ZDHHC11: variants seen among roughly 807,000 people sequenced by gnomAD.
The protein encoded by ZDHHC11 is zDHHC palmitoyltransferase 11, also known as palmitoyltransferase ZDHHC11.
Under a neutral mutation model 51.3 loss-of-function variants are expected in ZDHHC11, and 44 were observed. That is an observed-to-expected ratio of 0.86 (90% CI 0.67 to 1.10). The LOEUF (loss-of-function observed/expected upper bound fraction) is 1.10. Among genes scored for constraint, ZDHHC11 ranks in the 50% least tolerant of loss-of-function variants. The pLI, the probability that ZDHHC11 is intolerant of heterozygous loss-of-function variation, is 0.00. For synonymous variants in ZDHHC11, 163 were observed against 222.0 expected, an observed-to-expected ratio of 0.73 and a Z score of 2.36; for missense variants, 400 against 537.7, an observed-to-expected ratio of 0.74 and a Z score of 2.53.
intron 7 of ZDHHC11, among the ~76,000 whole-genome samples, chr5:831,731 A>G (rs1472998930): frequency 1.3e-5 from 2 of 150,754 alleles, no homozygotes; most frequent in Non-Finnish European, 3.0e-5. Context: ...AAATGCAAAT[A>G]AAATCCACAA....
At chr5:798,288 C>G (rs1737882164) in intron 12 of ZDHHC11, among the ~76,000 whole-genome samples, 1 of 151,132 alleles carries the variant, frequency 6.6e-6, no homozygotes, top group East Asian at 2.0e-4. Flanking sequence ...GCACTCCCCA[C>G]TAGATTTCTC....
chr5:822,247 G>A (rs1372720124), intron 8 of ZDHHC11, among the ~76,000 whole-genome samples: 1 of 151,198 alleles, frequency 6.6e-6, no homozygotes, highest in Non-Finnish European at 1.5e-5. Context: ...TTATGAAGGG[G>A]AGATTATAAC....
intron 6 of ZDHHC11, among the ~76,000 whole-genome samples, chr5:834,447 T>C (rs1210452867): frequency 1.3e-5 from 2 of 152,294 alleles, no homozygotes; most frequent in Non-Finnish European, 2.9e-5. Flanking sequence ...GCACTGAGAT[T>C]ATAGGTGCTT....
intron 9 of ZDHHC11, 150 bp from the exon 10 acceptor site, chr5:819,762 G>A (rs895570086): frequency 1.3e-6 from 1 of 748,452 alleles, no homozygotes; most frequent in Non-Finnish European, 2.3e-6. Flanking sequence ...GGGAGGTTGT[G>A]TGAGTGCTCC....
chr5:805,565 CATTACAAACATTCAACTAAAG>C (rs11268590), intron 11 of ZDHHC11, among the ~76,000 whole-genome samples: 32,415 of 149,700 alleles, frequency 0.22, 4,958 homozygotes, highest in African/African-American at 0.46. Context: ...CAAAATGGAA[CATTACAAACATTCAACTAAAG>C]ATTTTTTAAA....
In ZDHHC11 at chr5:816,391, C is replaced by T. The variant is rs1384083659; in HGVS notation, c.1147-1596G>A. On this transcript the variant is annotated intron_variant, in intron 10 of 12. Transcript: ENST00000283441. ...GGCGGGAGGGGGGCGGTAGCGCAGG[C>T]GGTGGTGGGGTTGGCGGGGGTTCCA... is the stretch of plus-strand genomic sequence containing the variant. 52 of 352,582 alleles carry T rather than the reference C, an allele frequency of 1.5e-4. 2 individuals carry two copies. The highest frequency in any genetic ancestry group is 7.6e-4 in the South Asian group (38 of 50,246). 21.8% of individuals were successfully genotyped at this position (352,582 alleles called of 1,614,324 possible).
chr5:802,545 AC>A (rs899697014), intron 11 of ZDHHC11, among the ~76,000 whole-genome samples: 1 of 150,836 alleles, frequency 6.6e-6, no homozygotes, highest in Non-Finnish European at 1.5e-5. Context: ...TTACCTAAAG[AC>A]AAAATGGTAT....
chr5:834,184 T>C (rs1358972829), intron 6 of ZDHHC11, among the ~76,000 whole-genome samples: 1 of 152,286 alleles, frequency 6.6e-6, no homozygotes. Context: ...AGCATTCTCC[T>C]GGGTGTGTGG....
At chr5:797,145 T>A (rs1249054855) in intron 12 of ZDHHC11, among the ~76,000 whole-genome samples, 1 of 151,284 alleles carries the variant, frequency 6.6e-6, no homozygotes, top group African/African-American at 2.4e-5. Flanking sequence ...AGGCGGAGTT[T>A]GCAGTGAGCC....
upstream of ZDHHC11, among the ~76,000 whole-genome samples, chr5:851,347 A>G (rs1415655996): frequency 9.3e-6 from 1 of 107,268 alleles, no homozygotes; most frequent in African/African-American, 3.5e-5. Flanking sequence ...GGAGGGCGGC[A>G]GGGGTGGGAG....
At chr5:858,573 CCT>C (rs960138200) in intron 1 of ZDHHC11, among the ~76,000 whole-genome samples, 1 of 152,182 alleles carries the variant, frequency 6.6e-6, no homozygotes, top group African/African-American at 2.4e-5. Flanking sequence ...CTCTGGCACC[CCT>C]GAGCATATCC....
chr5:807,070 C>T (rs1294924178), intron 11 of ZDHHC11, among the ~76,000 whole-genome samples: 2 of 150,798 alleles, frequency 1.3e-5, no homozygotes, highest in Non-Finnish European at 3.0e-5. Flanking sequence ...TGGAAGCCAT[C>T]TCCATGCCCA....
intron 3 of ZDHHC11, among the ~76,000 whole-genome samples, chr5:845,420 G>C (rs7713095): frequency 6.6e-6 from 1 of 151,548 alleles, no homozygotes; most frequent in African/African-American, 2.4e-5. Flanking sequence ...AGCCATTCAC[G>C]CGGGGCCTCC....
upstream of ZDHHC11, among the ~76,000 whole-genome samples, chr5:855,808 C>G (rs1432966878): frequency 1.3e-5 from 2 of 148,290 alleles, no homozygotes; most frequent in African/African-American, 5.0e-5. Context: ...TGGGGACAGA[C>G]CCCACAGAGG....
Position 850,573 on chromosome 5 carries a change from G to C in ZDHHC11, c.30C>G (p.Ser10=), listed in dbSNP as rs770290246. The stretch of plus-strand genomic sequence containing the variant: ...TATTGAGTATGGCTTCTGGGGTGAC[G>C]GAACACTGGCTCCCGGAGCGGGTGT... The part of the protein sequence containing the change: MDTRSGSQC[S]VTPEAILNNE... The change falls in exon 1 of 13, where the codon TCC becomes TCG. Residue 10 remains serine, a synonymous_variant. Transcript: ENST00000283441. The C allele has an allele frequency of 6.2e-7, 1 of 1,613,478 alleles. No homozygotes were observed. The highest frequency in any genetic ancestry group is 8.5e-7 in the Non-Finnish European group (1 of 1,179,990).
chr5:797,148 A>C (rs1313584592), intron 12 of ZDHHC11, among the ~76,000 whole-genome samples: 3 of 151,448 alleles, frequency 2.0e-5, no homozygotes, highest in African/African-American at 7.3e-5. Flanking sequence ...CGGAGTTTGC[A>C]GTGAGCCAAG....
chr5:807,599 G>C (rs1486397146), intron 11 of ZDHHC11, among the ~76,000 whole-genome samples: 1 of 151,962 alleles, frequency 6.6e-6, no homozygotes, highest in South Asian at 2.1e-4. Context: ...CAAGGGGAAA[G>C]AGGCAACCAC....
intron 12 of ZDHHC11, among the ~76,000 whole-genome samples, chr5:796,859 C>G (rs58244683): frequency 6.6e-6 from 1 of 150,804 alleles, no homozygotes; most frequent in African/African-American, 2.4e-5. Flanking sequence ...TGTTCTTCTT[C>G]GGAAATACAT....
rs142640901 is a variant in ZDHHC11, at chr5:850,547, T to C, written c.56A>G (p.Asn19Ser). 72 of 1,613,600 alleles carry C rather than the reference T, an allele frequency of 4.5e-5. No homozygotes were observed. Among genetic ancestry groups the C allele is most frequent in the Non-Finnish European group, 6.0e-5 (71 of 1,180,034 alleles). ...GCGGGGCGGCAAGACCAGCTTTTCA[T>C]TATTGAGTATGGCTTCTGGGGTGAC... Reference protein sequence around the residue: ...CSVTPEAILNNEKLVLPPRIS... With the variant: ...CSVTPEAILNSEKLVLPPRIS... The change falls in exon 1 of 13, where the codon AAT (asparagine) becomes AGT (serine). Residue 19 changes from asparagine (N) to serine (S), a missense_variant. This residue lies in a region of ZDHHC11 where 119 missense variants were observed against 99.6 expected (regional missense o/e 1.20). Coordinates refer to ENST00000283441, the MANE Select transcript of ZDHHC11 (RefSeq NM_024786.3).
Sources: allele counts gnomAD v4.1 joint callset (sites outside exome capture counted in the v4.1 genomes callset), GRCh38; gene constraint gnomAD v4.1.1; regional missense constraint gnomAD v4.1.1; transcripts MANE v1.5; gene names NCBI Gene and HGNC (gene_info 2026-07-23, HGNC 2026-07-21).